The following ANO6 variants were observed in gnomAD, a reference collection of about 807,000 sequenced individuals.
The protein encoded by ANO6 is anoctamin-6.
A neutral mutation model predicts 117.5 loss-of-function variants in ANO6; 106 were observed. The ratio of observed to expected loss-of-function variants is 0.90; its 90% CI spans 0.77 to 1.06. ANO6 has a LOEUF of 1.06. Among genes scored for constraint, ANO6 ranks in the 50% least tolerant of loss-of-function variants. The pLI is 0.00. For synonymous variants in ANO6, 367 were observed against 385.1 expected, an observed-to-expected ratio of 0.95 and a Z score of 0.55; for missense variants, 955 against 1,121.1, an observed-to-expected ratio of 0.85 and a Z score of 2.12.
At chr12:45,359,514 C>A (rs1187833946) in intron 8 of ANO6, among the ~76,000 whole-genome samples, 1 of 152,204 alleles carries the variant, frequency 6.6e-6, no homozygotes, top group Non-Finnish European at 1.5e-5. Context: ...TTTGCCTGTT[C>A]TGGACATTTC....
chr12:45,253,260 C>T (rs1937690464), intron 1 of ANO6, among the ~76,000 whole-genome samples: 1 of 152,188 alleles, frequency 6.6e-6, no homozygotes, highest in African/African-American at 2.4e-5. Context: ...AAAATGACAG[C>T]ACCTAATAAT....
At chr12:45,372,049 AACT>A (rs1941855903) in intron 9 of ANO6, among the ~76,000 whole-genome samples, 2 of 152,118 alleles carry the variant, frequency 1.3e-5, no homozygotes, top group Non-Finnish European at 2.9e-5. Context: ...AAGGCTCGAG[AACT>A]ACGTGAAGAA....
chr12:45,314,575 T>C (rs2060914585), intron 2 of ANO6, among the ~76,000 whole-genome samples: 1 of 151,702 alleles, frequency 6.6e-6, no homozygotes, highest in Non-Finnish European at 1.5e-5. Context: ...TATATGTGTA[T>C]ATCTATATAA....
At chr12:45,256,408 G>A (rs539888107) in intron 1 of ANO6, 1 of 152,232 alleles carries the variant, frequency 6.6e-6, no homozygotes, top group South Asian at 2.1e-4. Context: ...ACCTTGGAAA[G>A]GTTAGTGTTT....
intron 1 of ANO6, among the ~76,000 whole-genome samples, chr12:45,253,873 T>G (rs1036733409): frequency 1.3e-5 from 2 of 152,202 alleles, no homozygotes; most frequent in African/African-American, 4.8e-5. Context: ...TCACCATTCA[T>G]CAGGAAAGTT....
In ANO6 at chr12:45,225,921, C is replaced by G. The variant is rs113067265; in HGVS notation, c.70+9530C>G. On this transcript the variant is annotated intron_variant, in intron 1 of 19. Coordinates refer to ENST00000320560, the MANE Select transcript of ANO6 (RefSeq NM_001025356.3). ...CCTTTAGCCAACGAAATGTACTACTCAACTGATTGGTAAATCATATGTAAA... is the reference window on the plus strand; with the variant it reads ...CCTTTAGCCAACGAAATGTACTACTGAACTGATTGGTAAATCATATGTAAA... Among the ~76,000 whole-genome samples, 69 of 152,230 alleles carry G rather than the reference C, an allele frequency of 4.5e-4. 1 individual carries two copies. Among genetic ancestry groups the G allele is most frequent in the African/African-American group, 1.7e-3 (69 of 41,532 alleles).
intron 16 of ANO6, among the ~76,000 whole-genome samples, chr12:45,415,511 A>G (rs901688353): frequency 1.2e-4 from 18 of 152,224 alleles, no homozygotes; most frequent in Admixed American, 1.2e-3. Flanking sequence ...TATTACTTGC[A>G]TGCCCTGCGG....
chr12:45,249,695 G>A (rs945693820), intron 1 of ANO6, among the ~76,000 whole-genome samples: 1 of 152,170 alleles, frequency 6.6e-6, no homozygotes, highest in Non-Finnish European at 1.5e-5. Flanking sequence ...TGTAAATTTA[G>A]AGAAAAGCTT....
rs374145323 is a variant in ANO6 at position 45,432,042 on chromosome 12, C to T, written c.*2731C>T. 154 of 985,296 alleles carry T rather than the reference C, an allele frequency of 1.6e-4. 1 individual carries two copies. The South Asian group carries it at 6.5e-3, about 42-fold the overall frequency. 61.0% of individuals were successfully genotyped at this position (985,296 alleles called of 1,614,324 possible). ...CACCAAAGTCTTCCCTTTTTTATTGCATGTGTGCCTTGAATTTCATAAAAC... is the reference window on the plus strand; with the variant it reads ...CACCAAAGTCTTCCCTTTTTTATTGTATGTGTGCCTTGAATTTCATAAAAC... On this transcript the variant is annotated 3_prime_UTR_variant, in exon 20 of 20. Transcript: ENST00000320560.
intron 1 of ANO6, among the ~76,000 whole-genome samples, chr12:45,275,264 G>A (rs555489005): frequency 1.3e-5 from 2 of 152,218 alleles, no homozygotes; most frequent in African/African-American, 2.4e-5. Flanking sequence ...AGGCTGGAGT[G>A]CAGTAGCGCC....
At chr12:45,332,874 C>T (rs923418565) in intron 3 of ANO6, among the ~76,000 whole-genome samples, 1 of 152,056 alleles carries the variant, frequency 6.6e-6, no homozygotes, top group Non-Finnish European at 1.5e-5. Context: ...CAGTTGTGCT[C>T]ATATGCTACT....
chr12:45,218,497 CGAT>C (rs1947350511), intron 1 of ANO6, among the ~76,000 whole-genome samples: 1 of 148,946 alleles, frequency 6.7e-6, no homozygotes. Flanking sequence ...GGGGCTCAAG[CGAT>C]CCTCCCACTT....
chr12:45,337,091 A>G (rs914353838), intron 3 of ANO6, among the ~76,000 whole-genome samples: 2 of 152,132 alleles, frequency 1.3e-5, no homozygotes, highest in Admixed American at 6.6e-5. Flanking sequence ...GAAGTTTTGT[A>G]CAGCTGTAGA....
At position 45,347,031 on chromosome 12, in the gene ANO6, C is replaced by G; in HGVS notation, c.289C>G (p.Gln97Glu). 1 of 1,613,986 alleles carries G rather than the reference C, an allele frequency of 6.2e-7. No homozygotes were observed. Residue 97 changes from glutamine to glutamate, a missense_variant, in exon 4 of 20, where the codon CAA becomes GAA. Coordinates refer to ENST00000320560, the MANE Select transcript of ANO6 (RefSeq NM_001025356.3). ...CAACTTCTTTTGACAGAGGAAAAGACAAGCATACGAATCTAACCTTATCTG... is the reference window on the plus strand; with the variant it reads ...CAACTTCTTTTGACAGAGGAAAAGAGAAGCATACGAATCTAACCTTATCTG... ...GTNEKQRRKR[Q>E]AYESNLICHG...
chr12:45,291,102 C>T (rs561895354), intron 1 of ANO6, among the ~76,000 whole-genome samples: 15 of 152,010 alleles, frequency 9.9e-5, no homozygotes, highest in Non-Finnish European at 1.6e-4. Context: ...AAAAGAGCAA[C>T]GTTCAATCCC....
intron 12 of ANO6, among the ~76,000 whole-genome samples, chr12:45,393,786 A>G (rs1026643337): frequency 2.0e-5 from 3 of 152,210 alleles, no homozygotes; most frequent in African/African-American, 4.8e-5. Flanking sequence ...TTTACAGACA[A>G]GCAAATGCTG....
chr12:45,280,447 A>T (rs1938688871), intron 1 of ANO6, among the ~76,000 whole-genome samples: 1 of 152,186 alleles, frequency 6.6e-6, no homozygotes, highest in African/African-American at 2.4e-5. Flanking sequence ...CCAACCCCTC[A>T]CCAATTACTA....
Position 45,348,086 on chromosome 12 carries a change from C to T in ANO6, c.404C>T (p.Thr135Met), listed in dbSNP as rs375321460. Residue 135 changes from threonine to methionine, a missense_variant, in exon 5 of 20, where the codon ACG becomes ATG. Coordinates refer to ENST00000320560, the MANE Select transcript of ANO6 (RefSeq NM_001025356.3). ...KVHAPWEVLCTYAEIMHIKLP... is the reference protein window; with the variant it reads ...KVHAPWEVLCMYAEIMHIKLP... ...CACGCACCATGGGAGGTGTTATGTA[C>T]GTATGCTGAGATAATGCACATCAAA... 2.6e-5 allele frequency: 42 copies of T among 1,613,768 alleles called. No individual in the cohort carries two copies. The African/African-American group carries it at 3.6e-4, about 14-fold the overall frequency.
intron 1 of ANO6, among the ~76,000 whole-genome samples, chr12:45,218,442 T>TAGAGTGC (rs1342859613): frequency 6.9e-6 from 1 of 145,338 alleles, no homozygotes; most frequent in Non-Finnish European, 1.5e-5. Flanking sequence ...TCGTTTAGGC[T>TAGAGTGC]AGAGTGCAGT....
Sources: allele counts gnomAD v4.1 joint callset (sites outside exome capture counted in the v4.1 genomes callset), GRCh38; gene constraint gnomAD v4.1.1; transcripts MANE v1.5; gene names NCBI Gene and HGNC (gene_info 2026-07-23, HGNC 2026-07-21).